The following PPP2R5E variants were observed in gnomAD, a reference collection of about 807,000 sequenced individuals.
The protein encoded by PPP2R5E is protein phosphatase 2 regulatory subunit B'epsilon.
PPP2R5E carries 4 observed loss-of-function variants against 65.3 expected under a neutral mutation model. That is an observed-to-expected ratio of 0.06 (90% CI 0.03 to 0.14). PPP2R5E has a LOEUF of 0.14. PPP2R5E is among the 10% of genes least tolerant of loss of function. The pLI, the probability that PPP2R5E is intolerant of heterozygous loss-of-function variation, is 1.00. For synonymous variants in PPP2R5E, 183 were observed against 187.4 expected (o/e 0.98, Z 0.19); for missense variants, 274 against 556.1 (o/e 0.49, Z 5.10).
At chr14:63,399,129 C>T (rs752966061) in intron 5 of PPP2R5E, among the ~76,000 whole-genome samples, 4 of 152,114 alleles carry the variant, frequency 2.6e-5, no homozygotes, top group Non-Finnish European at 4.4e-5. Context: ...TATCCGTCAA[C>T]TGATAAACAA....
chr14:63,518,064 T>C (rs76224342), intron 2 of PPP2R5E, among the ~76,000 whole-genome samples: 2,042 of 152,270 alleles, frequency 0.013, 37 homozygotes, highest in African/African-American at 0.047. Context: ...AGCCTACAGA[T>C]AGATTTTATT....
Position 63,483,825 on chromosome 14 carries a change from CT to C in PPP2R5E, c.158-29941del, listed in dbSNP as rs1168596439. ...CGAGGCCAGGCATGGTGGTTCACAC[CT>C]GTAATCCCAGCACTTTGGGAGGCCG... On this transcript the variant is annotated intron_variant, in intron 2 of 13. Coordinates refer to ENST00000337537, the MANE Select transcript of PPP2R5E (RefSeq NM_006246.5). 7.8e-4 allele frequency among the ~76,000 whole-genome samples: 119 copies of C among 152,286 alleles called. 2 individuals carry two copies. Among genetic ancestry groups the C allele is most frequent in the Admixed American group, 7.7e-3 (118 of 15,304 alleles).
chr14:63,496,541 C>CCATA (rs1891579862), intron 2 of PPP2R5E, among the ~76,000 whole-genome samples: 1 of 151,596 alleles, frequency 6.6e-6, no homozygotes, highest in African/African-American at 2.4e-5. Flanking sequence ...GCCTCTTGAA[C>CCATA]CATAACCCAT....
intron 10 of PPP2R5E, among the ~76,000 whole-genome samples, chr14:63,391,587 C>G (rs1469191112): frequency 6.6e-6 from 1 of 152,090 alleles, no homozygotes; most frequent in African/African-American, 2.4e-5. Context: ...CCACGCCTGG[C>G]TAATTTTGTA....
At chr14:63,434,929 GA>G (rs1181855241) in intron 3 of PPP2R5E, among the ~76,000 whole-genome samples, 1 of 152,136 alleles carries the variant, frequency 6.6e-6, no homozygotes, top group Non-Finnish European at 1.5e-5. Flanking sequence ...TCCCAAATTG[GA>G]AAATCAGTTA....
chr14:63,399,849 A>G (rs1885644037), intron 5 of PPP2R5E, among the ~76,000 whole-genome samples: 1 of 152,198 alleles, frequency 6.6e-6, no homozygotes, highest in Non-Finnish European at 1.5e-5. Flanking sequence ...ATCGTCATCA[A>G]AAAGGCTATC....
rs56297942 is a variant in PPP2R5E at position 63,421,052 on chromosome 14, C to CAAA, written c.456+938_456+940dup. Among the ~76,000 whole-genome samples, 12 of 10,294 alleles carry CAAA rather than the reference C, an allele frequency of 1.2e-3. 3 individuals are homozygous for CAAA. The highest frequency in any genetic ancestry group is 1.7e-3 in the African/African-American group (3 of 1,730). The allele number at this position is 10,294 out of a possible 152,430, so 6.8% of individuals were successfully genotyped here. ...TGGGCGACAGAGCGAGACTCCGTCT[C>CAAA]AAAAAAAAAAAAAAAAAAAAAAAAA... is the stretch of plus-strand genomic sequence containing the variant. On this transcript the variant is annotated intron_variant, in intron 4 of 13. Coordinates refer to ENST00000337537, the MANE Select transcript of PPP2R5E (RefSeq NM_006246.5).
chr14:63,410,884 GTGTGAAGGTCAAAT>G (rs1886355865), intron 5 of PPP2R5E, among the ~76,000 whole-genome samples: 1 of 152,128 alleles, frequency 6.6e-6, no homozygotes, highest in Admixed American at 6.5e-5. Flanking sequence ...GTGAGCCCTG[GTGTGAAGGTCAAAT>G]TTATAACAGA....
chr14:63,388,989 A>T (rs1884846856), intron 11 of PPP2R5E, among the ~76,000 whole-genome samples: 1 of 152,112 alleles, frequency 6.6e-6, no homozygotes, highest in African/African-American at 2.4e-5. Context: ...AAGAAAGAAA[A>T]GTGTTGCCCC....
chr14:63,521,133 C>A (rs769056443), intron 2 of PPP2R5E, among the ~76,000 whole-genome samples: 1 of 152,072 alleles, frequency 6.6e-6, no homozygotes, highest in Non-Finnish European at 1.5e-5. Context: ...ACTCCTAAGC[C>A]CAAGAGTATC....
intron 5 of PPP2R5E, among the ~76,000 whole-genome samples, chr14:63,404,387 C>T (rs371423246): frequency 3.3e-4 from 51 of 152,330 alleles, no homozygotes; most frequent in African/African-American, 1.2e-3. Flanking sequence ...CAGATGTCCA[C>T]ATTTCTGGCT....
intron 3 of PPP2R5E, chr14:63,453,324 T>TA (rs527370553): frequency 1.8e-3 from 267 of 150,100 alleles, no homozygotes; most frequent in South Asian, 3.8e-3. Context: ...TGAATAAGAT[T>TA]AAAAAAAAAA....
intron 2 of PPP2R5E, among the ~76,000 whole-genome samples, chr14:63,467,293 G>A (rs1889883326): frequency 6.6e-5 from 10 of 150,986 alleles, no homozygotes. Context: ...TGGTTTCCTA[G>A]CCACAAAACA....
chr14:63,537,771 A>T (rs1893729275), intron 2 of PPP2R5E, among the ~76,000 whole-genome samples: 1 of 152,142 alleles, frequency 6.6e-6, no homozygotes, highest in South Asian at 2.1e-4. Context: ...TCCAAGCCAC[A>T]CTAAAGCTCA....
chr14:63,480,133 T>C (rs1890620338), intron 2 of PPP2R5E, among the ~76,000 whole-genome samples: 1 of 152,292 alleles, frequency 6.6e-6, no homozygotes, highest in East Asian at 1.9e-4. Context: ...AGGAAATTCA[T>C]TTCCACAGCC....
At chr14:63,456,632 C>T (rs953529883) in intron 2 of PPP2R5E, among the ~76,000 whole-genome samples, 25 of 152,238 alleles carry the variant, frequency 1.6e-4, no homozygotes, top group Non-Finnish European at 1.9e-4. Context: ...GAGTCAGTGA[C>T]TTGCCCATAG....
chr14:63,389,291 G>A (rs75040645), intron 11 of PPP2R5E, among the ~76,000 whole-genome samples: 3,553 of 151,970 alleles, frequency 0.023, 94 homozygotes, highest in African/African-American at 0.065. Flanking sequence ...AACCTCACCA[G>A]CCCACTTATT....
chr14:63,447,573 C>T (rs1178486179), intron 3 of PPP2R5E, among the ~76,000 whole-genome samples: 1 of 152,202 alleles, frequency 6.6e-6, no homozygotes, highest in Non-Finnish European at 1.5e-5. Flanking sequence ...ACCACTGAAA[C>T]TTTCTCAATT....
intron 3 of PPP2R5E, among the ~76,000 whole-genome samples, chr14:63,426,826 A>G (rs982291472): frequency 2.0e-5 from 3 of 152,150 alleles, no homozygotes; most frequent in African/African-American, 7.2e-5. Flanking sequence ...CAAAATCATA[A>G]ATTTAAAATC....
Sources: allele counts gnomAD v4.1 joint callset (sites outside exome capture counted in the v4.1 genomes callset), GRCh38; gene constraint gnomAD v4.1.1; transcripts MANE v1.5; gene names NCBI Gene and HGNC (gene_info 2026-07-23, HGNC 2026-07-21).